The following AIG1 variants were observed in gnomAD, a reference collection of about 807,000 sequenced individuals.
AIG1 encodes androgen-induced gene 1 protein.
In AIG1, 23 loss-of-function variants were observed where a neutral mutation model predicts 31.4. The ratio of observed to expected loss-of-function variants is 0.73; its 90% CI spans 0.53 to 1.04. The LOEUF (loss-of-function observed/expected upper bound fraction) is 1.04, where lower values mean the gene tolerates loss of function less well. AIG1 is among the 50% of genes least tolerant of loss of function. The pLI is 0.00. For missense variants in AIG1, 274 were observed against 295.0 expected (o/e 0.93, Z 0.52); for synonymous variants, 100 against 110.5 (o/e 0.90, Z 0.60).
chr6:143,181,947 A>G (rs553664149), intron 3 of AIG1, among the ~76,000 whole-genome samples: 11 of 152,152 alleles, frequency 7.2e-5, no homozygotes, highest in African/African-American at 2.6e-4. Flanking sequence ...CAAATCATAC[A>G]CTTCTCCATG....
intron 1 of AIG1, among the ~76,000 whole-genome samples, chr6:143,077,384 G>C (rs1219094549): frequency 6.6e-6 from 1 of 152,146 alleles, no homozygotes; most frequent in East Asian, 1.9e-4. Flanking sequence ...TAAGAAATCT[G>C]CTGGCAAGAA....
chr6:143,287,636 G>A (rs531796861), intron 4 of AIG1, among the ~76,000 whole-genome samples: 1 of 146,374 alleles, frequency 6.8e-6, no homozygotes, highest in South Asian at 2.1e-4. Flanking sequence ...CTAGGCTTTA[G>A]CTTAATCAGA....
intron 3 of AIG1, among the ~76,000 whole-genome samples, chr6:143,219,074 C>T (rs995788724): frequency 6.6e-6 from 1 of 152,170 alleles, no homozygotes; most frequent in African/African-American, 2.4e-5. Context: ...AATAGCAGAA[C>T]TCATTAGAGC....
chr6:143,278,801 C>T (rs1028874893), intron 3 of AIG1, among the ~76,000 whole-genome samples: 2 of 152,134 alleles, frequency 1.3e-5, no homozygotes, highest in Non-Finnish European at 2.9e-5. Flanking sequence ...CCCCTCTATA[C>T]TTACTAATGT....
intron 2 of AIG1, among the ~76,000 whole-genome samples, chr6:143,141,592 C>A (rs899567725): frequency 2.0e-5 from 3 of 151,398 alleles, no homozygotes; most frequent in Non-Finnish European, 4.4e-5. Context: ...ACGAAGCTGG[C>A]CTTGATTAGT....
chr6:143,316,554 T>G (rs763776921), intron 4 of AIG1, among the ~76,000 whole-genome samples: 1 of 151,862 alleles, frequency 6.6e-6, no homozygotes, highest in Non-Finnish European at 1.5e-5. Flanking sequence ...AAGCTCTGAA[T>G]GAGCACAAAG....
intron 1 of AIG1, among the ~76,000 whole-genome samples, chr6:143,104,777 G>A (rs929630948): frequency 3.9e-5 from 6 of 152,000 alleles, no homozygotes; most frequent in Admixed American, 2.6e-4. Flanking sequence ...GGTGATGTGC[G>A]CCTGATATCC....
chr6:143,215,016 T>C (rs1220877707), intron 3 of AIG1, among the ~76,000 whole-genome samples: 2 of 152,174 alleles, frequency 1.3e-5, no homozygotes, highest in Non-Finnish European at 2.9e-5. Flanking sequence ...TTCTCCTTCA[T>C]TGACCTGGGA....
chr6:143,182,209 T>C (rs1014354736), intron 3 of AIG1, among the ~76,000 whole-genome samples: 2 of 152,096 alleles, frequency 1.3e-5, no homozygotes, highest in Non-Finnish European at 2.9e-5. Flanking sequence ...ATGTTTAAAA[T>C]TTTTTGTAGA....
chr6:143,251,494 A>G (rs1309710911), intron 3 of AIG1, among the ~76,000 whole-genome samples: 3 of 149,670 alleles, frequency 2.0e-5, no homozygotes, highest in East Asian at 2.0e-4. Context: ...TTTGCAAACT[A>G]GATTGGACTC....
intron 2 of AIG1, among the ~76,000 whole-genome samples, chr6:143,140,655 G>A (rs556740339): frequency 2.0e-5 from 3 of 152,272 alleles, no homozygotes; most frequent in South Asian, 2.1e-4. Context: ...CAACCTGGAC[G>A]GTTCATTACA....
intron 2 of AIG1, among the ~76,000 whole-genome samples, chr6:143,148,048 A>G (rs1417295834): frequency 6.6e-6 from 1 of 152,184 alleles, no homozygotes; most frequent in Non-Finnish European, 1.5e-5. Context: ...GCTTGAGGTC[A>G]CACAGCAAGT....
chr6:143,131,531 A>T (rs1783239825), intron 1 of AIG1, among the ~76,000 whole-genome samples: 1 of 152,356 alleles, frequency 6.6e-6, no homozygotes, highest in Middle Eastern at 3.4e-3. Flanking sequence ...AAAGTCAGAG[A>T]TCTGAAGCAT....
At chr6:143,317,750 G>A (rs533482369) in intron 4 of AIG1, among the ~76,000 whole-genome samples, 4 of 152,084 alleles carry the variant, frequency 2.6e-5, no homozygotes, top group Middle Eastern at 3.4e-3. Flanking sequence ...AAACCTTAAC[G>A]ACTCCTCCAG....
At position 143,283,227 on chromosome 6, in the gene AIG1, A is replaced by G. The variant is rs1432264380; in HGVS notation, c.400-883A>G. On this transcript the variant is annotated intron_variant, in intron 3 of 5. Transcript: ENST00000357847. Reference sequence around the variant, plus strand: ...TATAGATGGGATAAATTTCATCTCCATCCTGTTCCAATAAACTTAGTGTCT... The same window carrying G: ...TATAGATGGGATAAATTTCATCTCCGTCCTGTTCCAATAAACTTAGTGTCT... Among the ~76,000 whole-genome samples the G allele has an allele frequency of 1.6e-4, 25 of 152,226 alleles. 1 individual carries two copies. Among genetic ancestry groups the G allele is most frequent in the Admixed American group, 1.6e-3 (24 of 15,284 alleles).
chr6:143,116,811 T>A (rs933400541), intron 1 of AIG1, among the ~76,000 whole-genome samples: 2 of 151,576 alleles, frequency 1.3e-5, no homozygotes, highest in Admixed American at 6.6e-5. Flanking sequence ...AAAACCACAA[T>A]GGCTTGTGAA....
intron 1 of AIG1, among the ~76,000 whole-genome samples, chr6:143,102,703 TCTCTA>T (rs1780411077): frequency 6.6e-6 from 1 of 151,744 alleles, no homozygotes; most frequent in African/African-American, 2.4e-5. Context: ...TTTCATCCCC[TCTCTA>T]CTCCTTTACA....
intron 4 of AIG1, among the ~76,000 whole-genome samples, chr6:143,317,228 A>C (rs1775831435): frequency 6.6e-6 from 1 of 152,146 alleles, no homozygotes; most frequent in Admixed American, 6.5e-5. Flanking sequence ...ACTACAGACC[A>C]ATATCCCTGA....
chr6:143,068,776 A>G lies in AIG1; in HGVS notation c.141+7710A>G, dbSNP rs187894283. Among the ~76,000 whole-genome samples, 4 of 152,190 alleles carry G rather than the reference A, an allele frequency of 2.6e-5. No individual in the cohort carries two copies. In the East Asian group the frequency reaches 7.7e-4, roughly 29 times the overall value. Reference sequence around the variant, plus strand: ...TTGGAACTTTAGTACATACAGGAACATAGAGAGACTACAGTATATATGTAT... The same window carrying G: ...TTGGAACTTTAGTACATACAGGAACGTAGAGAGACTACAGTATATATGTAT... On this transcript the variant is annotated intron_variant, in intron 1 of 5. Transcript: ENST00000357847.
Sources: gnomAD v4.1 joint callset for allele counts (sites outside exome capture counted in the v4.1 genomes callset) on GRCh38, gnomAD v4.1.1 for gene constraint, MANE v1.5 for transcripts, NCBI Gene and HGNC (gene_info 2026-07-23, HGNC 2026-07-21) for gene names.